Variants in PTPN11 observed in about 807,000 individuals in gnomAD.
PTPN11 encodes the protein protein tyrosine phosphatase non-receptor type 11, also known as tyrosine-protein phosphatase non-receptor type 11.
In PTPN11, 6 loss-of-function variants were observed where a neutral mutation model predicts 78.8. The observed-to-expected ratio is 0.08, with a 90% confidence interval of 0.04 to 0.15. The LOEUF is 0.15. PTPN11 is among the 10% of genes least tolerant of loss of function. The pLI is 1.00. For synonymous variants in PTPN11, 221 were observed against 263.5 expected (o/e 0.84, Z 1.56); for missense variants, 386 against 744.8 (o/e 0.52, Z 5.61).
chr12:112,431,892 C>T lies in PTPN11; in HGVS notation c.14+12767C>T, dbSNP rs537428069. Among the ~76,000 whole-genome samples, 10 of 151,824 alleles carry T rather than the reference C, an allele frequency of 6.6e-5. No individual in the cohort carries two copies. In the East Asian group the frequency reaches 1.9e-3, roughly 29 times the overall value. On this transcript the variant is annotated intron_variant, in intron 1 of 15. Coordinates refer to ENST00000351677, the MANE Select transcript of PTPN11 (RefSeq NM_002834.5). ...AATCTGATAAATTTAACAATGCCAA[C>T]ATGAACCTCTGTAGGAAAAAAAATA... is the stretch of plus-strand genomic sequence containing the variant.
intron 1 of PTPN11, among the ~76,000 whole-genome samples, chr12:112,421,723 G>A (rs943623275): frequency 8.6e-5 from 13 of 151,960 alleles, no homozygotes; most frequent in Admixed American, 6.6e-4. Flanking sequence ...GTTTTCCTAG[G>A]CTCAATCCAT....
At chr12:112,434,933 C>T (rs777004222) in intron 1 of PTPN11, among the ~76,000 whole-genome samples, 10 of 151,758 alleles carry the variant, frequency 6.6e-5, no homozygotes, top group Non-Finnish European at 1.3e-4. Flanking sequence ...ACTACAGGCA[C>T]GCACCACCAT....
In PTPN11 at chr12:112,453,270, T is replaced by C; in HGVS notation, c.408T>C (p.Leu136=). The C allele has an allele frequency of 6.2e-7, 1 of 1,613,842 alleles. No homozygotes were observed. The highest frequency in any genetic ancestry group is 8.5e-7 in the Non-Finnish European group (1 of 1,180,004). The change falls in exon 4 of 16, where the codon CTT becomes CTC. Residue 136 remains leucine, a synonymous_variant. Coordinates refer to ENST00000351677, the MANE Select transcript of PTPN11 (RefSeq NM_002834.5). The part of the protein sequence containing the change: ...LTEKGKHGSF[L]VRESQSHPGD... The stretch of plus-strand genomic sequence containing the variant: ...AAAAAGGAAAACATGGTAGTTTTCT[T>C]GTACGAGAGAGCCAGAGCCACCCTG...
At chr12:112,439,930 G>C (rs754386530) in intron 1 of PTPN11, among the ~76,000 whole-genome samples, 16 of 151,802 alleles carry the variant, frequency 1.1e-4, no homozygotes, top group Non-Finnish European at 2.9e-5. Flanking sequence ...TCAGTTTCCA[G>C]TTGCCACACC....
chr12:112,496,552 A>G (rs1566190182), intron 13 of PTPN11, among the ~76,000 whole-genome samples: 2 of 152,152 alleles, frequency 1.3e-5, no homozygotes, highest in East Asian at 1.9e-4. Context: ...ATCTATATAT[A>G]TATTAAGCTA....
intron 1 of PTPN11, among the ~76,000 whole-genome samples, chr12:112,437,726 G>A (rs143581258): frequency 6.6e-5 from 10 of 152,204 alleles, no homozygotes; most frequent in African/African-American, 2.4e-4. Flanking sequence ...AGACTATTTG[G>A]TCTTTGAAGG....
chr12:112,454,855 T>C (rs923303189), intron 5 of PTPN11, 175 bp downstream of exon 5: 3 of 656,088 alleles, frequency 4.6e-6, no homozygotes, highest in African/African-American at 1.8e-5. Context: ...AGTCTTACTC[T>C]GTCACCCAGT....
chr12:112,426,723 T>A (rs1453958665), intron 1 of PTPN11, among the ~76,000 whole-genome samples: 1 of 151,740 alleles, frequency 6.6e-6, no homozygotes, highest in Non-Finnish European at 1.5e-5. Flanking sequence ...AAGTGCTGGT[T>A]TGTGTGTGTG....
chr12:112,476,811 C>A (rs118135136), intron 7 of PTPN11, among the ~76,000 whole-genome samples: 1 of 151,878 alleles, frequency 6.6e-6, no homozygotes, highest in Non-Finnish European at 1.5e-5. Flanking sequence ...CAACAAAAAC[C>A]CCTCTTTATT....
Position 112,505,951 on chromosome 12 carries a change from C to G in PTPN11, c.*159C>G, listed in dbSNP as rs2038930358. ...ACCTTTTGATAAGCAAAATTTGAAA[C>G]CATTTAAAGACCACTGTATTTTAAC... On this transcript the variant is annotated 3_prime_UTR_variant, in exon 16 of 16. Transcript: ENST00000351677. 2.0e-5 allele frequency: 3 copies of G among 152,934 alleles called. No homozygotes were observed. Among genetic ancestry groups the G allele is most frequent in the Middle Eastern group, 3.2e-3 (1 of 316 alleles). The allele number at this position is 152,934 out of a possible 1,614,324, so 9.5% of individuals were successfully genotyped here.
chr12:112,478,765 G>A (rs569256325), intron 9 of PTPN11, among the ~76,000 whole-genome samples: 2 of 152,180 alleles, frequency 1.3e-5, no homozygotes, highest in African/African-American at 2.4e-5. Flanking sequence ...ACAGGGTCTC[G>A]GTCTGTTGCC....
At chr12:112,431,807 A>G (rs1480549933) in intron 1 of PTPN11, among the ~76,000 whole-genome samples, 1 of 152,200 alleles carries the variant, frequency 6.6e-6, no homozygotes, top group African/African-American at 2.4e-5. Context: ...ACCACACAAC[A>G]TTGCTGTGAA....
rs570748064 is a variant in PTPN11 at position 112,421,753 on chromosome 12, G to A, written c.14+2628G>A. Among the ~76,000 whole-genome samples the A allele has an allele frequency of 7.9e-5, 12 of 151,990 alleles. No homozygotes were observed. In the South Asian group the frequency reaches 8.3e-4, roughly 11 times the overall value. On this transcript the variant is annotated intron_variant, in intron 1 of 15. Transcript: ENST00000351677. ...ATCCATCCCCCCTCCTCAGCTTTCCGGTTACTGGGGCTACAGGTGTGCACC... is the reference window on the plus strand; with the variant it reads ...ATCCATCCCCCCTCCTCAGCTTTCCAGTTACTGGGGCTACAGGTGTGCACC...
intron 1 of PTPN11, among the ~76,000 whole-genome samples, chr12:112,444,343 T>G (rs1378237559): frequency 1.3e-5 from 2 of 152,078 alleles, no homozygotes; most frequent in African/African-American, 2.4e-5. Context: ...CTTCCAAGTT[T>G]TTTTTTTTTC....
At chr12:112,448,726 G>T (rs1340994501) in intron 2 of PTPN11, among the ~76,000 whole-genome samples, 3 of 151,954 alleles carry the variant, frequency 2.0e-5, no homozygotes, top group Non-Finnish European at 4.4e-5. Context: ...TCACCAGCAG[G>T]TAGCGATTTA....
chr12:112,503,829 C>T (rs2038904882), intron 14 of PTPN11, among the ~76,000 whole-genome samples: 1 of 152,140 alleles, frequency 6.6e-6, no homozygotes, highest in African/African-American at 2.4e-5. Context: ...AGCCTGGCAC[C>T]CACAGCTGCT....
intron 3 of PTPN11, among the ~76,000 whole-genome samples, chr12:112,451,379 G>T (rs1592827264): frequency 1.3e-5 from 2 of 152,136 alleles, no homozygotes; most frequent in Non-Finnish European, 2.9e-5. Flanking sequence ...TTGATGATGA[G>T]CCCTTAACAC....
chr12:112,460,918 C>T (rs981777756), intron 6 of PTPN11, among the ~76,000 whole-genome samples: 29 of 152,178 alleles, frequency 1.9e-4, no homozygotes, highest in African/African-American at 6.7e-4. Flanking sequence ...TTCTGTCTTC[C>T]TTCCCCCTCT....
At position 112,475,246 on chromosome 12, in the gene PTPN11, C is replaced by T. The variant is rs193046810; in HGVS notation, c.853+2206C>T. On this transcript the variant is annotated intron_variant, in intron 7 of 15. Coordinates refer to ENST00000351677, the MANE Select transcript of PTPN11 (RefSeq NM_002834.5). Reference sequence around the variant, plus strand: ...CAAAGTCACTGTTCTTAGCACCACTCTAATGCATGGGGTTCTCCATTGATG... The same window carrying T: ...CAAAGTCACTGTTCTTAGCACCACTTTAATGCATGGGGTTCTCCATTGATG... Among the ~76,000 whole-genome samples the T allele has an allele frequency of 9.9e-4, 150 of 152,082 alleles. 1 individual carries two copies. Among genetic ancestry groups the T allele is most frequent in the African/African-American group, 3.0e-3 (126 of 41,506 alleles).
Sources: allele counts gnomAD v4.1 joint callset (sites outside exome capture counted in the v4.1 genomes callset), GRCh38; gene constraint gnomAD v4.1.1; transcripts MANE v1.5; gene names NCBI Gene and HGNC (gene_info 2026-07-23, HGNC 2026-07-21).